PLD2: variants seen among roughly 807,000 people sequenced by gnomAD.
The protein encoded by PLD2 is choline phosphatase 2.
A neutral mutation model predicts 119.8 loss-of-function variants in PLD2; 101 were observed. The ratio of observed to expected loss-of-function variants is 0.84; its 90% CI spans 0.72 to 0.99. The LOEUF (loss-of-function observed/expected upper bound fraction) is 0.99. PLD2 is among the 50% of genes least tolerant of loss of function. The probability of loss-of-function intolerance (pLI) is 0.00; values close to 1 mark genes in which losing one functional copy is unlikely to be tolerated. For missense variants in PLD2, 1,164 were observed against 1,226.8 expected, an observed-to-expected ratio of 0.95 and a Z score of 0.76; for synonymous variants, 494 against 482.8, an observed-to-expected ratio of 1.02 and a Z score of -0.30.
rs1398760316 is a variant in PLD2 at position 4,815,917 on chromosome 17, G to A, written c.1438G>A (p.Glu480Lys). ...ACTGACTGACCTTGGAGACTCCTCT[G>A]AATCAGCTGCCTCCCAGGTAATCCC... ...YRLTDLGDSS[E>K]SAASQPPTPR... The change falls in exon 14 of 25, where the codon GAA (glutamate) becomes AAA (lysine). Residue 480 changes from glutamate (E) to lysine (K), a missense_variant. Physicochemically the swap from Glu to Lys is moderately conservative, Grantham distance 56 (BLOSUM62 1). Transcript: ENST00000263088. 6 of 1,613,700 alleles carry A rather than the reference G, an allele frequency of 3.7e-6. No homozygotes were observed. The highest frequency in any genetic ancestry group is 1.3e-5 in the African/African-American group (1 of 74,912).
intron 10 of PLD2, among the ~76,000 whole-genome samples, chr17:4,811,710 C>T (rs1464864773): frequency 6.6e-6 from 1 of 152,216 alleles, no homozygotes; most frequent in African/African-American, 2.4e-5. Context: ...AGGTGACACG[C>T]ACAGACAGGA....
intron 23 of PLD2, among the ~76,000 whole-genome samples, chr17:4,820,261 T>G (rs72835006): frequency 0.083 from 12,333 of 148,012 alleles, 522 homozygotes; most frequent in Non-Finnish European, 0.097. Flanking sequence ...AGAAATCTTT[T>G]TTGTTGTTGT....
rs139166795 is a variant in PLD2, at chr17:4,810,001, C to T, written c.832C>T (p.His278Tyr). The T allele has an allele frequency of 1.2e-3, 1,945 of 1,613,566 alleles. 18 individuals are homozygous for T. The African/African-American group carries it at 0.019, about 16-fold the overall frequency. ...GGGGAAAAGGAGCACGGAGGCACGG[C>T]ACGGCGTGCGGATCGATACCTCCCA... ...QVGKRSTEAR[H>Y]GVRIDTSHRS... The change falls in exon 9 of 25, where the codon CAC becomes TAC. Residue 278 changes from histidine to tyrosine, a missense_variant. His to Tyr is a moderately conservative substitution (Grantham distance 83, BLOSUM62 2). Coordinates refer to ENST00000263088, the MANE Select transcript of PLD2 (RefSeq NM_002663.5).
At position 4,822,916 on chromosome 17, in the gene PLD2, G is replaced by A. The variant is rs1907832041; in HGVS notation, c.*52G>A. Reference sequence around the variant, plus strand: ...CCAGCTGCTGTGCCCCACCACGTCTGGCTCCCTGCCCCTTAACCCCAAGGA... The same window carrying A: ...CCAGCTGCTGTGCCCCACCACGTCTAGCTCCCTGCCCCTTAACCCCAAGGA... On this transcript the variant is annotated 3_prime_UTR_variant, in exon 25 of 25. Coordinates refer to ENST00000263088, the MANE Select transcript of PLD2 (RefSeq NM_002663.5). 1 of 1,028,890 alleles carries A rather than the reference G, an allele frequency of 9.7e-7. No individual in the cohort carries two copies. Among genetic ancestry groups the A allele is most frequent in the Non-Finnish European group, 1.5e-6 (1 of 673,168 alleles). The allele number at this position is 1,028,890 out of a possible 1,614,324, so 63.7% of individuals were successfully genotyped here. A position where few individuals can be genotyped will look rare whatever the true frequency, so the allele number is the denominator to read the frequency against.
chr17:4,813,494 T>A lies in PLD2; in HGVS notation c.1011-924T>A, dbSNP rs555042342. ...GAACACAACATTTGCCTAGGCATTG[T>A]ATTAGATGTATTCCTAGACATGTAA... On this transcript the variant is annotated intron_variant, in intron 10 of 24. Coordinates refer to ENST00000263088, the MANE Select transcript of PLD2 (RefSeq NM_002663.5). Among the ~76,000 whole-genome samples, 25 of 152,370 alleles carry A rather than the reference T, an allele frequency of 1.6e-4. No individual in the cohort carries two copies. In the South Asian group the frequency reaches 5.0e-3, roughly 30 times the overall value.
rs780870748 is a variant in PLD2 at position 4,814,622 on chromosome 17, C to T, written c.1095-11C>T. Reference sequence around the variant, plus strand: ...CTTCGTTTGCCCCTAATCCACTGCCCTGAATCCCAGGTTGAGTCCTGAGGT... The same window carrying T: ...CTTCGTTTGCCCCTAATCCACTGCCTTGAATCCCAGGTTGAGTCCTGAGGT... On this transcript the variant is annotated splice_polypyrimidine_tract_variant and intron_variant, in intron 11 of 24. Transcript: ENST00000263088. 3.1e-6 allele frequency: 5 copies of T among 1,614,074 alleles called. No individual in the cohort carries two copies. Among genetic ancestry groups the T allele is most frequent in the Non-Finnish European group, 4.2e-6 (5 of 1,179,994 alleles).
Position 4,809,163 on chromosome 17 carries a change from G to T in PLD2, c.447G>T (p.Arg149=). The change falls in exon 5 of 25, where the codon CGG becomes CGT. Residue 149 remains arginine, a synonymous_variant. Transcript: ENST00000263088. ...AGNREMPSLP[R]AGPEGSTRHA... is the part of the protein sequence containing the mutation. ...ACAGAGAGATGCCCTCTCTACCCCG[G>T]GCAGGTCCTGAGGGCTCCACCAGAC... 1 of 1,614,186 alleles carries T rather than the reference G, an allele frequency of 6.2e-7. No homozygotes were observed. Among genetic ancestry groups the T allele is most frequent in the Non-Finnish European group, 8.5e-7 (1 of 1,180,038 alleles).
chr17:4,808,192 G>A lies in PLD2; in HGVS notation c.240+78G>A. 6.3e-7 allele frequency: 1 copy of A among 1,591,632 alleles called. No homozygotes were observed. The highest frequency in any genetic ancestry group is 8.6e-7 in the Non-Finnish European group (1 of 1,165,114). The stretch of plus-strand genomic sequence containing the variant: ...CCAAGGTGGCTGGGCTGGCCCCAGG[G>A]AAGGGGCAAAAGGAGGGCTGGCCAG... On this transcript the variant is annotated intron_variant, in intron 3 of 24. Transcript: ENST00000263088. The surrounding 1 kb of genome is among the most constrained non-coding windows in gnomAD (Gnocchi z 4.1).
chr17:4,818,811 C>A lies in PLD2; in HGVS notation c.2161C>A (p.Leu721Ile). The A allele has an allele frequency of 6.2e-7, 1 of 1,614,194 alleles. No individual in the cohort carries two copies. The highest frequency in any genetic ancestry group is 8.5e-7 in the Non-Finnish European group (1 of 1,180,008). Residue 721 changes from leucine (L) to isoleucine (I), a missense_variant, in exon 21 of 25, where the codon CTT becomes ATT. Physicochemically the swap from Leu to Ile is conservative, Grantham distance 5. Coordinates refer to ENST00000263088, the MANE Select transcript of PLD2 (RefSeq NM_002663.5). ...TGGGGAGTATTCAATCCTGCATCGC[C>A]TTAAAGCAGCCAGTGAGTGCTGGGG... ...CRGEYSILHR[L>I]KAAMGTAWRD...
In PLD2 at chr17:4,818,021, G is replaced by C. The variant is rs199707726; in HGVS notation, c.1835G>C (p.Arg612Pro). 1 of 1,613,146 alleles carries C rather than the reference G, an allele frequency of 6.2e-7. No individual in the cohort carries two copies. Among genetic ancestry groups the C allele is most frequent in the Admixed American group, 1.7e-5 (1 of 60,000 alleles). ...TTVQVLRSVD[R>P]WSAGTLENSI... ...CCCTAGGTCTTGCGATCAGTGGACCGCTGGTCAGCAGGGACTCTGGAGAAC... is the reference window on the plus strand; with the variant it reads ...CCCTAGGTCTTGCGATCAGTGGACCCCTGGTCAGCAGGGACTCTGGAGAAC... Residue 612 changes from arginine to proline, a missense_variant, in exon 18 of 25, where the codon CGC (arginine) becomes CCC (proline). Physicochemically the swap from Arg to Pro is moderately radical, Grantham distance 103. Transcript: ENST00000263088.
At chr17:4,812,481 G>A (rs1334357567) in intron 10 of PLD2, among the ~76,000 whole-genome samples, 4 of 151,886 alleles carry the variant, frequency 2.6e-5, no homozygotes. Context: ...TTTTAGTAGA[G>A]CCAGGGTTTC....
intron 12 of PLD2, 103 bp downstream of exon 12, chr17:4,814,814 G>A (rs1906812170): frequency 9.9e-7 from 1 of 1,011,846 alleles, no homozygotes; most frequent in South Asian, 1.4e-5. Flanking sequence ...AGGCTTCAGG[G>A]GAGGGAAAAG....
chr17:4,810,443 G>A (rs759274778), intron 9 of PLD2, among the ~76,000 whole-genome samples: 19 of 152,108 alleles, frequency 1.2e-4, no homozygotes, highest in Admixed American at 2.6e-4. Context: ...TCAGGAGTTC[G>A]AGACCAGCCC....
At chr17:4,810,515 C>G (rs1339402800) in intron 9 of PLD2, among the ~76,000 whole-genome samples, 2 of 152,022 alleles carry the variant, frequency 1.3e-5, no homozygotes. Flanking sequence ...CGTGGTGGTG[C>G]GTGCCTGTAA....
Position 4,818,613 on chromosome 17 carries a change from C to T in PLD2, c.2123+6C>T, listed in dbSNP as rs779267473. The T allele has an allele frequency of 1.1e-5, 18 of 1,602,328 alleles. No individual in the cohort carries two copies. The highest frequency in any genetic ancestry group is 2.2e-5 in the East Asian group (1 of 44,838). The stretch of plus-strand genomic sequence containing the variant: ...ATTCTGCACTTTACTTACAGGTGAC[C>T]CCCCAGGCGGACTCCAGCTCTCAGT... On this transcript the variant is annotated splice_donor_region_variant and intron_variant, in intron 20 of 24. Coordinates refer to ENST00000263088, the MANE Select transcript of PLD2 (RefSeq NM_002663.5).
chr17:4,807,963 C>G lies in PLD2; in HGVS notation c.110-21C>G. 3 of 1,606,274 alleles carry G rather than the reference C, an allele frequency of 1.9e-6. No individual in the cohort carries two copies. The South Asian group carries it at 3.3e-5, about 18-fold the overall frequency. The stretch of plus-strand genomic sequence containing the variant: ...CTGGGGCCTGTTGTGGTCTACACTC[C>G]TCGACTTTCTTTCCTCCCAGCCGAC... On this transcript the variant is annotated intron_variant, in intron 2 of 24. Transcript: ENST00000263088. The surrounding 1 kb of genome is among the most constrained non-coding windows in gnomAD (Gnocchi z 5.4).
At chr17:4,809,824 G>A in intron 8 of PLD2, 41 bp downstream of exon 8, 1 of 1,614,084 alleles carries the variant, frequency 6.2e-7, no homozygotes, top group Non-Finnish European at 8.5e-7. Context: ...GGGTGGGGGT[G>A]AGGAAGAAAA....
chr17:4,810,765 G>A (rs776530183), intron 9 of PLD2, 37 bp from the exon 10 acceptor site: 4 of 1,583,944 alleles, frequency 2.5e-6, no homozygotes, highest in Non-Finnish European at 3.4e-6. Flanking sequence ...AGGTATGGAG[G>A]GCGAGGATTT....
chr17:4,820,612 G>A, intron 23 of PLD2, among the ~76,000 whole-genome samples: 1 of 139,382 alleles, frequency 7.2e-6, no homozygotes, highest in Non-Finnish European at 1.5e-5. Flanking sequence ...GAGTCTCACT[G>A]TCGCCCAGGC....
Sources: gnomAD v4.1 joint callset for allele counts (sites outside exome capture counted in the v4.1 genomes callset) on GRCh38, gnomAD v4.1.1 for gene constraint, Gnocchi (gnomAD v3.1) non-coding constraint, MANE v1.5 for transcripts, NCBI Gene and HGNC (gene_info 2026-07-23, HGNC 2026-07-21) for gene names.